The following CCDC30 variants were observed in gnomAD, a reference collection of about 807,000 sequenced individuals.
CCDC30 encodes coiled-coil domain-containing protein 30.
A neutral mutation model predicts 100.2 loss-of-function variants in CCDC30; 70 were observed. The observed-to-expected ratio is 0.70, with a 90% CI of 0.58 to 0.85. The LOEUF (loss-of-function observed/expected upper bound fraction) is 0.85. Ranked by LOEUF, CCDC30 falls within the 40% of genes least tolerant of loss-of-function variation. CCDC30 has a pLI of 0.00. For missense variants in CCDC30, 652 were observed against 771.2 expected (o/e 0.85, Z 1.83); for synonymous variants, 233 against 269.5 (o/e 0.86, Z 1.33).
At chr1:42,475,017 G>C (rs1643867529) in intron 1 of CCDC30, among the ~76,000 whole-genome samples, 1 of 151,956 alleles carries the variant, frequency 6.6e-6, no homozygotes, top group Non-Finnish European at 1.5e-5. Context: ...ATTTTTTTCT[G>C]TTCATGGATA....
chr1:42,612,843 C>A (rs1646651586), intron 11 of CCDC30, among the ~76,000 whole-genome samples: 1 of 152,144 alleles, frequency 6.6e-6, no homozygotes, highest in African/African-American at 2.4e-5. Context: ...TTAACTCTCA[C>A]AACATAATCC....
At chr1:42,582,376 T>C (rs1645985815) in intron 9 of CCDC30, among the ~76,000 whole-genome samples, 1 of 152,196 alleles carries the variant, frequency 6.6e-6, no homozygotes, top group African/African-American at 2.4e-5. Context: ...TGCACATTAT[T>C]AACCAAAGAG....
chr1:42,476,460 G>A (rs1251409460), intron 1 of CCDC30, among the ~76,000 whole-genome samples: 2 of 152,188 alleles, frequency 1.3e-5, no homozygotes, highest in Admixed American at 6.5e-5. Context: ...GGAGACTGAG[G>A]TGGGCGGATC....
chr1:42,473,333 A>C (rs1643828440), intron 1 of CCDC30: 2 of 1,155,618 alleles, frequency 1.7e-6, no homozygotes, highest in Non-Finnish European at 2.2e-6. Context: ...AATTTTAAAG[A>C]CACCTGTGAT....
intron 11 of CCDC30, among the ~76,000 whole-genome samples, chr1:42,628,824 G>A (rs1281055363): frequency 6.6e-6 from 1 of 152,140 alleles, no homozygotes; most frequent in Admixed American, 6.5e-5. Context: ...TCAGCAGCTT[G>A]AAAGCAAACT....
rs889224958 is a variant in CCDC30, at chr1:42,479,487, A to C, written c.-91-974A>C. 4.0e-5 allele frequency among the ~76,000 whole-genome samples: 6 copies of C among 151,626 alleles called. No homozygotes were observed. The East Asian group carries it at 1.2e-3, about 30-fold the overall frequency. ...TACACCATCAACAGATTTTCAACAAAGGTGACAAGGTAATTCAATGAGAAA... is the reference window on the plus strand; with the variant it reads ...TACACCATCAACAGATTTTCAACAACGGTGACAAGGTAATTCAATGAGAAA... On this transcript the variant is annotated intron_variant, in intron 1 of 16. Coordinates refer to ENST00000668663, the Ensembl canonical transcript of CCDC30.
chr1:42,540,164 G>A (rs1644983993), intron 6 of CCDC30, among the ~76,000 whole-genome samples: 1 of 152,182 alleles, frequency 6.6e-6, no homozygotes, highest in African/African-American at 2.4e-5. Context: ...TGTAAGGTGA[G>A]TAACTAAATC....
intron 11 of CCDC30, among the ~76,000 whole-genome samples, chr1:42,622,077 C>T (rs1159827488): frequency 6.6e-6 from 1 of 152,146 alleles, no homozygotes; most frequent in Non-Finnish European, 1.5e-5. Flanking sequence ...CCCCACCTCC[C>T]CCAATTTCCC....
chr1:42,537,123 A>C, intron 6 of CCDC30: 1 of 449,908 alleles, frequency 2.2e-6, no homozygotes, highest in South Asian at 1.6e-5. Flanking sequence ...TTGTTTCTCC[A>C]AGCTGAGTTC....
intron 1 of CCDC30, among the ~76,000 whole-genome samples, chr1:42,478,447 A>G (rs1643907815): frequency 6.6e-6 from 1 of 152,202 alleles, no homozygotes; most frequent in Non-Finnish European, 1.5e-5. Context: ...TTTTCCAATA[A>G]TGGCCAGAAA....
At chr1:42,555,454 A>G (rs557594333) in intron 6 of CCDC30, among the ~76,000 whole-genome samples, 1 of 152,274 alleles carries the variant, frequency 6.6e-6, no homozygotes, top group South Asian at 2.1e-4. Context: ...ATCCTCATTC[A>G]TCACTAAATT....
chr1:42,565,287 G>A (rs908417533), intron 6 of CCDC30, among the ~76,000 whole-genome samples: 3 of 152,042 alleles, frequency 2.0e-5, no homozygotes, highest in East Asian at 1.9e-4. Context: ...TGGATCATAC[G>A]TCTGATAAGG....
chr1:42,459,222 G>GCATGAACA (rs1643333254), upstream of CCDC30: 1 of 166,980 alleles, frequency 6.0e-6, no homozygotes, highest in Non-Finnish European at 1.3e-5. Flanking sequence ...AAGTGCAGTG[G>GCATGAACA]CATGAACACA....
intron 6 of CCDC30, chr1:42,510,208 C>G: frequency 1.4e-5 from 10 of 725,340 alleles, no homozygotes; most frequent in Non-Finnish European, 1.7e-5. Context: ...TTTCTTTACT[C>G]TCTCTATTTT....
chr1:42,627,424 AT>A (rs1257637066), intron 11 of CCDC30, among the ~76,000 whole-genome samples: 1 of 152,202 alleles, frequency 6.6e-6, no homozygotes. Context: ...AGAAAACCCC[AT>A]TTTTGAGGAG....
At chr1:42,653,993 G>T (rs770756713) in exon 17 of CCDC30, 1 of 1,613,738 alleles carries the variant, frequency 6.2e-7, no homozygotes. Flanking sequence ...GGAGACACAT[G>T]GTATACAAGA....
intron 7 of CCDC30, among the ~76,000 whole-genome samples, chr1:42,570,695 A>G (rs1045947734): frequency 6.7e-6 from 1 of 149,900 alleles, no homozygotes; most frequent in African/African-American, 2.4e-5. Flanking sequence ...CTATTTTTCA[A>G]AATTATATTT....
intron 10 of CCDC30, among the ~76,000 whole-genome samples, chr1:42,610,477 G>A (rs1646596619): frequency 6.6e-6 from 1 of 152,154 alleles, no homozygotes; most frequent in Non-Finnish European, 1.5e-5. Context: ...AGGCTGGAGT[G>A]TGGTGGCATG....
At chr1:42,518,614 T>G (rs773500770) in intron 6 of CCDC30, among the ~76,000 whole-genome samples, 5 of 152,228 alleles carry the variant, frequency 3.3e-5, no homozygotes, top group Admixed American at 6.5e-5. Flanking sequence ...ATAGCCTAGG[T>G]GTGTAATAGG....
Sources: gnomAD v4.1 joint callset for allele counts (sites outside exome capture counted in the v4.1 genomes callset) on GRCh38, gnomAD v4.1.1 for gene constraint, MANE v1.5 for transcripts, NCBI Gene and HGNC (gene_info 2026-07-23, HGNC 2026-07-21) for gene names.